ABI3: variants seen among roughly 807,000 people sequenced by gnomAD.
The protein encoded by ABI3 is ABI gene family member 3.
In ABI3, 24 loss-of-function variants were observed where a neutral mutation model predicts 37.0. The ratio of observed to expected loss-of-function variants is 0.65; its 90% confidence interval spans 0.47 to 0.91. ABI3 has a LOEUF of 0.91. Ranked by LOEUF, ABI3 falls within the 40% of genes least tolerant of loss-of-function variation. The pLI is 0.00. For synonymous variants in ABI3, 220 were observed against 211.8 expected (o/e 1.04, Z -0.34); for missense variants, 481 against 485.1 (o/e 0.99, Z 0.08).
rs534309066 is a variant in ABI3 at position 49,211,730 on chromosome 17, C to T, written c.117+889C>T. Among the ~76,000 whole-genome samples, 4 of 152,174 alleles carry T rather than the reference C, an allele frequency of 2.6e-5. No homozygotes were observed. In the East Asian group the frequency reaches 7.7e-4, roughly 29 times the overall value. ...CTCGATCTTGGCTCACTACAACCTC[C>T]GCCTTCCGGGTTCAAGAAATTCTCC... On this transcript the variant is annotated intron_variant, in intron 1 of 7. Transcript: ENST00000225941.
chr17:49,210,884 G>A lies in ABI3; in HGVS notation c.117+43G>A, dbSNP rs1420435679. The stretch of plus-strand genomic sequence containing the variant: ...AAGCCTGACACCCCAGCCCCCGGAG[G>A]GGGGACCCTGAGCCCTGCCCCAAGT... On this transcript the variant is annotated intron_variant, in intron 1 of 7. Coordinates refer to ENST00000225941, the MANE Select transcript of ABI3 (RefSeq NM_016428.3). This position sits in a 1 kb window ranked among gnomAD's most constrained non-coding sequence, Gnocchi z 4.2. The A allele has an allele frequency of 6.6e-7, 1 of 1,503,934 alleles. No individual in the cohort carries two copies. Among genetic ancestry groups the A allele is most frequent in the Non-Finnish European group, 9.0e-7 (1 of 1,108,076 alleles). The allele number at this position is 1,503,934 out of a possible 1,614,324, so 93.2% of individuals were successfully genotyped here.
In ABI3 at chr17:49,222,700, GGAGCCCAGC is replaced by G; in HGVS notation, c.1087_1095del (p.Glu363_Ser365del). The G allele has an allele frequency of 6.3e-7, 1 of 1,576,560 alleles. No individual in the cohort carries two copies. Among genetic ancestry groups the G allele is most frequent in the Non-Finnish European group, 8.6e-7 (1 of 1,161,278 alleles). ...CTGGATTCTTCCCTGGGAACTATGT[GGAGCCCAGC>G]TGCTGACAGCCCAGGGCTCTCTGGG... On this transcript the variant is annotated inframe_deletion, in exon 8 of 8. Coordinates refer to ENST00000225941, the MANE Select transcript of ABI3 (RefSeq NM_016428.3).
chr17:49,210,784 G>A lies in ABI3; in HGVS notation c.60G>A (p.Arg20=). 10 of 1,556,086 alleles carry A rather than the reference G, an allele frequency of 6.4e-6. No individual in the cohort carries two copies. The highest frequency in any genetic ancestry group is 8.7e-6 in the Non-Finnish European group (10 of 1,149,496). Residue 20 remains arginine (R), a synonymous_variant, in exon 1 of 8, where the codon AGG becomes AGA. Transcript: ENST00000225941. The surrounding 1 kb of genome is among the most constrained non-coding windows in gnomAD (Gnocchi z 4.2). The stretch of plus-strand genomic sequence containing the variant: ...TCCCCACTGGCCGGGAGGCTCTGAG[G>A]GGCAACCACAGTGCCCTGCTGCGGG... ...FEIPTGREAL[R]GNHSALLRVA... is the part of the protein sequence containing the mutation.
chr17:49,218,748 C>G (rs1397777560), intron 3 of ABI3, among the ~76,000 whole-genome samples: 1 of 151,318 alleles, frequency 6.6e-6, no homozygotes, highest in South Asian at 2.1e-4. Flanking sequence ...GGATTACAGG[C>G]GCCCGCCACC....
chr17:49,216,520 G>A lies in ABI3; in HGVS notation c.118-11G>A. 1 of 1,559,028 alleles carries A rather than the reference G, an allele frequency of 6.4e-7. No individual in the cohort carries two copies. The highest frequency in any genetic ancestry group is 1.9e-5 in the Admixed American group (1 of 52,128). Reference sequence around the variant, plus strand: ...ATGCTGGCCCTTAGGCCAGGGCTGTGTGTATTTCAGGCCACAGACAAGCGG... The same window carrying A: ...ATGCTGGCCCTTAGGCCAGGGCTGTATGTATTTCAGGCCACAGACAAGCGG... On this transcript the variant is annotated splice_polypyrimidine_tract_variant and intron_variant, in intron 1 of 7. Transcript: ENST00000225941.
rs2043308066 is a variant in ABI3, at chr17:49,222,824, CTG to C, written c.*112_*113del. The C allele has an allele frequency of 8.0e-7, 1 of 1,257,114 alleles. No individual in the cohort carries two copies. Among genetic ancestry groups the C allele is most frequent in the Non-Finnish European group, 1.1e-6 (1 of 918,574 alleles). 77.9% of individuals were successfully genotyped at this position (1,257,114 alleles called of 1,614,324 possible). A position where few individuals can be genotyped will look rare whatever the true frequency, so the allele number is the denominator to read the frequency against. On this transcript the variant is annotated 3_prime_UTR_variant, in exon 8 of 8. Coordinates refer to ENST00000225941, the MANE Select transcript of ABI3 (RefSeq NM_016428.3). ...GGACTGGGTCTGCCCACCTCTTGGG[CTG>C]TGAGCTGTGTTCTGTCCTTCCTCCC...
At chr17:49,217,956 C>T (rs1369039389) in intron 3 of ABI3, 41 bp downstream of exon 3, 4 of 1,470,178 alleles carry the variant, frequency 2.7e-6, no homozygotes, top group Non-Finnish European at 3.6e-6. Flanking sequence ...AACCCACCCT[C>T]TCGTGCCTTG....
intron 3 of ABI3, among the ~76,000 whole-genome samples, chr17:49,218,434 A>G (rs2043244424): frequency 6.6e-6 from 1 of 152,102 alleles, no homozygotes; most frequent in Admixed American, 6.5e-5. Flanking sequence ...CAGAAAGGGC[A>G]CGCACTCACA....
chr17:49,213,362 G>GT (rs2043188619), intron 1 of ABI3, among the ~76,000 whole-genome samples: 1 of 152,184 alleles, frequency 6.6e-6, no homozygotes, highest in African/African-American at 2.4e-5. Context: ...CACACAACTT[G>GT]TTACCTTTCC....
Position 49,216,533 on chromosome 17 carries a change from C to T in ABI3, c.120C>T (p.Ala40=). Reference sequence around the variant, plus strand: ...GGCCAGGGCTGTGTGTATTTCAGGCCACAGACAAGCGGAAGGCGCTGGAGG... The same window carrying T: ...GGCCAGGGCTGTGTGTATTTCAGGCTACAGACAAGCGGAAGGCGCTGGAGG... ...ADYCEDNYVQ[A]TDKRKALEET... Residue 40 remains alanine, a splice_region_variant and synonymous_variant, in exon 2 of 8, where the codon GCC becomes GCT. Coordinates refer to ENST00000225941, the MANE Select transcript of ABI3 (RefSeq NM_016428.3). The T allele has an allele frequency of 6.4e-7, 1 of 1,572,980 alleles. No individual in the cohort carries two copies.
intron 6 of ABI3, among the ~76,000 whole-genome samples, chr17:49,221,263 G>C (rs2043283992): frequency 6.6e-6 from 1 of 151,904 alleles, no homozygotes; most frequent in African/African-American, 2.4e-5. Flanking sequence ...GAGGTCAGGA[G>C]ATCGAGACCA....
Position 49,222,121 on chromosome 17 carries a change from C to G in ABI3, c.833C>G (p.Pro278Arg), listed in dbSNP as rs1295766501. 6.2e-7 allele frequency: 1 copy of G among 1,612,394 alleles called. No individual in the cohort carries two copies. The highest frequency in any genetic ancestry group is 2.2e-5 in the East Asian group (1 of 44,758). Reference protein sequence around the residue: ...DEELPLPLDLPPPPPLDGDEL... With the variant: ...DEELPLPLDLRPPPPLDGDEL... ...GAGCTGCCCCTGCCACTGGACCTGC[C>G]TCCTCCTCCACCCCTGGATGGAGAT... The change falls in exon 7 of 8, where the codon CCT (proline) becomes CGT (arginine). Residue 278 changes from proline to arginine, a missense_variant. Coordinates refer to ENST00000225941, the MANE Select transcript of ABI3 (RefSeq NM_016428.3).
Position 49,222,192 on chromosome 17 carries a change from C to T in ABI3, c.904C>T (p.Pro302Ser). The T allele has an allele frequency of 1.2e-6, 2 of 1,613,686 alleles. No individual in the cohort carries two copies. Among genetic ancestry groups the T allele is most frequent in the East Asian group, 2.2e-5 (1 of 44,854 alleles). ...CCCACCAGGATTTGGGCCTGATGAG[C>T]CCAGCTGGGTGCCTGCCTCATACTT... ...PPPPGFGPDEPSWVPASYLEK... is the reference protein window; with the variant it reads ...PPPPGFGPDESSWVPASYLEK... Residue 302 changes from proline (P) to serine (S), a missense_variant, in exon 7 of 8, where the codon CCC (proline) becomes TCC (serine). Transcript: ENST00000225941.
intron 1 of ABI3, among the ~76,000 whole-genome samples, chr17:49,211,923 G>A (rs2043171773): frequency 6.6e-6 from 1 of 151,504 alleles, no homozygotes; most frequent in Non-Finnish European, 1.5e-5. Flanking sequence ...TGGGATTACA[G>A]GAGTGAGCCA....
chr17:49,217,496 A>G (rs2043231356), intron 2 of ABI3, among the ~76,000 whole-genome samples: 1 of 151,010 alleles, frequency 6.6e-6, no homozygotes, highest in African/African-American at 2.4e-5. Context: ...GTTCCTGCAC[A>G]GCTAATAATA....
Position 49,219,495 on chromosome 17 carries a change from G to C in ABI3, c.463-45G>C. ...CCTCTTGGGGATGAGGGTGGAGGGA[G>C]GCCCCTCACCCCAAATGTAAGCCCT... is the stretch of plus-strand genomic sequence containing the variant. On this transcript the variant is annotated intron_variant, in intron 3 of 7. Transcript: ENST00000225941. The surrounding 1 kb of genome is among the most constrained non-coding windows in gnomAD (Gnocchi z 4.3). The C allele has an allele frequency of 6.7e-7, 1 of 1,487,678 alleles. No homozygotes were observed. 92.2% of individuals were successfully genotyped at this position (1,487,678 alleles called of 1,614,324 possible).
At chr17:49,213,024 C>G (rs896255586) in intron 1 of ABI3, among the ~76,000 whole-genome samples, 7 of 152,226 alleles carry the variant, frequency 4.6e-5, no homozygotes, top group Non-Finnish European at 8.8e-5. Context: ...AGACCTAAGT[C>G]AAATTTCCAG....
Position 49,210,887 on chromosome 17 carries a change from G to A in ABI3, c.117+46G>A, listed in dbSNP as rs1460166323. 4.0e-6 allele frequency: 6 copies of A among 1,497,510 alleles called. No individual in the cohort carries two copies. The Admixed American group carries it at 6.0e-5, about 15-fold the overall frequency. 92.8% of individuals were successfully genotyped at this position (1,497,510 alleles called of 1,614,324 possible). ...CCTGACACCCCAGCCCCCGGAGGGG[G>A]GACCCTGAGCCCTGCCCCAAGTGGG... On this transcript the variant is annotated intron_variant, in intron 1 of 7. Coordinates refer to ENST00000225941, the MANE Select transcript of ABI3 (RefSeq NM_016428.3). This position sits in a 1 kb window ranked among gnomAD's most constrained non-coding sequence, Gnocchi z 4.2.
At chr17:49,211,726 C>T (rs2043169659) in intron 1 of ABI3, among the ~76,000 whole-genome samples, 3 of 151,474 alleles carry the variant, frequency 2.0e-5, no homozygotes, top group Admixed American at 6.6e-5. Flanking sequence ...CTCACTACAA[C>T]CTCCGCCTTC....
Sources: gnomAD v4.1 joint callset for allele counts (sites outside exome capture counted in the v4.1 genomes callset) on GRCh38, gnomAD v4.1.1 for gene constraint, Gnocchi (gnomAD v3.1) non-coding constraint, MANE v1.5 for transcripts, NCBI Gene and HGNC (gene_info 2026-07-23, HGNC 2026-07-21) for gene names.